The following KLF13 variants were observed in gnomAD, a reference collection of about 807,000 sequenced individuals.
KLF13 encodes the protein KLF transcription factor 13, also known as Krueppel-like factor 13.
Under a neutral mutation model 16.7 loss-of-function variants are expected in KLF13, and 8 were observed. The ratio of observed to expected loss-of-function variants is 0.48; its 90% CI spans 0.28 to 0.87. KLF13 has a LOEUF of 0.87. Ranked by LOEUF, KLF13 falls within the 40% of genes least tolerant of loss-of-function variation. The pLI is 0.10. For synonymous variants in KLF13, 245 were observed against 208.4 expected, an observed-to-expected ratio of 1.18 and a Z score of -1.51; for missense variants, 447 against 452.2, an observed-to-expected ratio of 0.99 and a Z score of 0.10.
At chr15:31,346,107 A>G (rs1311858734) in intron 1 of KLF13, among the ~76,000 whole-genome samples, 1 of 151,886 alleles carries the variant, frequency 6.6e-6, no homozygotes, top group Non-Finnish European at 1.5e-5. Context: ...ATCTCTCAGG[A>G]GCCCCCGAGA....
chr15:31,336,683 T>G (rs890749399), intron 1 of KLF13, among the ~76,000 whole-genome samples: 1 of 152,068 alleles, frequency 6.6e-6, no homozygotes, highest in African/African-American at 2.4e-5. Flanking sequence ...GAAAAGAGAT[T>G]GGAAATAGAG....
intron 1 of KLF13, among the ~76,000 whole-genome samples, chr15:31,333,078 A>G (rs1282338915): frequency 6.6e-6 from 1 of 152,158 alleles, no homozygotes; most frequent in Non-Finnish European, 1.5e-5. Context: ...AGTACACTCA[A>G]CTTTCACAAT....
At chr15:31,370,022 G>A (rs2039532360) in intron 1 of KLF13, among the ~76,000 whole-genome samples, 1 of 132,992 alleles carries the variant, frequency 7.5e-6, no homozygotes, top group South Asian at 2.6e-4. Context: ...CCTGTCTCAT[G>A]TTAGTTTCCT....
At chr15:31,427,123 C>T (rs990160398) in intron 1 of KLF13, among the ~76,000 whole-genome samples, 1 of 152,176 alleles carries the variant, frequency 6.6e-6, no homozygotes, top group Non-Finnish European at 1.5e-5. Context: ...TGCAGACAGC[C>T]TATTGTGGGA....
chr15:31,414,611 G>A (rs908725143), intron 1 of KLF13, among the ~76,000 whole-genome samples: 3 of 152,150 alleles, frequency 2.0e-5, no homozygotes, highest in African/African-American at 7.2e-5. Context: ...AACAAAATAT[G>A]TTGCTGGACA....
chr15:31,353,658 T>A (rs34901570), intron 1 of KLF13, among the ~76,000 whole-genome samples: 22,871 of 151,956 alleles, frequency 0.15, 2,132 homozygotes, highest in South Asian at 0.31. Flanking sequence ...ACTCTTATCC[T>A]CCCCCCAAAG....
intron 1 of KLF13, among the ~76,000 whole-genome samples, chr15:31,431,826 T>C (rs1054241296): frequency 6.6e-6 from 1 of 152,234 alleles, no homozygotes; most frequent in Non-Finnish European, 1.5e-5. Context: ...ATGCAAACAC[T>C]GCACGATTCA....
rs570926465 is a variant in KLF13, at chr15:31,435,111, G to A, written n.118-259G>A. On this transcript the variant is annotated intron_variant and non_coding_transcript_variant, in intron 1 of 1. Transcript: ENST00000558225. ...CGCTAAGGGACGGGGCGGGTGCAAC[G>A]TGTGTGTTTTTACTTCTTTTAAGTT... is the stretch of plus-strand genomic sequence containing the variant. Among the ~76,000 whole-genome samples the A allele has an allele frequency of 3.3e-5, 5 of 152,296 alleles. 1 individual carries two copies. The highest frequency in any genetic ancestry group is 9.6e-5 in the African/African-American group (4 of 41,558).
intron 1 of KLF13, among the ~76,000 whole-genome samples, chr15:31,384,176 T>C (rs1595488975): frequency 6.6e-6 from 1 of 152,162 alleles, no homozygotes; most frequent in African/African-American, 2.4e-5. Context: ...AGGTGGCTCA[T>C]GCCTGTAATC....
chr15:31,349,228 T>G (rs1291737584), intron 1 of KLF13, among the ~76,000 whole-genome samples: 1 of 152,192 alleles, frequency 6.6e-6, no homozygotes, highest in African/African-American at 2.4e-5. Flanking sequence ...AGCCTGTGAC[T>G]GTCATTCCAT....
chr15:31,420,555 A>T, intron 1 of KLF13: 1 of 511,848 alleles, frequency 2.0e-6, no homozygotes, highest in Non-Finnish European at 3.7e-6. Flanking sequence ...GGAGAACCCA[A>T]CATTGATAGC....
At chr15:31,347,065 C>T (rs1002805409) in intron 1 of KLF13, among the ~76,000 whole-genome samples, 3 of 152,168 alleles carry the variant, frequency 2.0e-5, no homozygotes, top group African/African-American at 4.8e-5. Flanking sequence ...GGCACGACAC[C>T]GAGCCCAGCA....
At chr15:31,367,769 C>T (rs1040019269) in intron 1 of KLF13, among the ~76,000 whole-genome samples, 7 of 152,146 alleles carry the variant, frequency 4.6e-5, no homozygotes, top group Admixed American at 6.5e-5. Context: ...ACGTGCCAGG[C>T]GCTGTGCTGA....
intron 1 of KLF13, among the ~76,000 whole-genome samples, chr15:31,370,254 C>T (rs1044540607): frequency 1.3e-5 from 2 of 151,964 alleles, no homozygotes; most frequent in Non-Finnish European, 2.9e-5. Flanking sequence ...ACACACGGCC[C>T]CTGCTTCAGC....
In KLF13 at chr15:31,371,980, G is replaced by A. The variant is rs768136949; in HGVS notation, c.578-30G>A. 4.1e-5 allele frequency: 65 copies of A among 1,569,660 alleles called. No individual in the cohort carries two copies. In the Middle Eastern group the frequency reaches 1.2e-3, roughly 28 times the overall value. ...GGGTGTGAAGGCGGGGCCAGGTGCGGATACTGATGCTCTGCCCCTGTGCCC... is the reference window on the plus strand; with the variant it reads ...GGGTGTGAAGGCGGGGCCAGGTGCGAATACTGATGCTCTGCCCCTGTGCCC... On this transcript the variant is annotated intron_variant, in intron 1 of 1. Coordinates refer to ENST00000307145, the MANE Select transcript of KLF13 (RefSeq NM_015995.4).
intron 2 of KLF13, among the ~76,000 whole-genome samples, chr15:31,400,388 C>T (rs1014221910): frequency 6.0e-5 from 9 of 150,718 alleles, no homozygotes; most frequent in Admixed American, 3.3e-4. Flanking sequence ...GAGGGGGTGG[C>T]GTGCAGTTTA....
chr15:31,365,435 A>G (rs1180354672), intron 1 of KLF13, among the ~76,000 whole-genome samples: 1 of 152,100 alleles, frequency 6.6e-6, no homozygotes, highest in Non-Finnish European at 1.5e-5. Flanking sequence ...CTTCCTAGAG[A>G]AGACCCAGCA....
Position 31,373,246 on chromosome 15 carries a change from C to T in KLF13, c.*947C>T, listed in dbSNP as rs528545532. The T allele has an allele frequency of 6.6e-6, 1 of 152,386 alleles. No homozygotes were observed. Among genetic ancestry groups the T allele is most frequent in the East Asian group, 1.9e-4 (1 of 5,186 alleles). 9.4% of individuals were successfully genotyped at this position (152,386 alleles called of 1,614,324 possible). On this transcript the variant is annotated 3_prime_UTR_variant, in exon 2 of 2. Coordinates refer to ENST00000307145, the MANE Select transcript of KLF13 (RefSeq NM_015995.4). The stretch of plus-strand genomic sequence containing the variant: ...AGTTCCGAGTTTGCCCGCACGGGCA[C>T]TTTTGTTGGAAACAGTGGGCAGGTC...
rs1405366152 is a variant in KLF13 at position 31,372,757 on chromosome 15, C to G, written c.*458C>G. 1 of 156,944 alleles carries G rather than the reference C, an allele frequency of 6.4e-6. No homozygotes were observed. Among genetic ancestry groups the G allele is most frequent in the Admixed American group, 6.4e-5 (1 of 15,518 alleles). The allele number at this position is 156,944 out of a possible 1,614,324, so 9.7% of individuals were successfully genotyped here. On this transcript the variant is annotated 3_prime_UTR_variant, in exon 2 of 2. Transcript: ENST00000307145. ...GATGTGCTCACTGACGTTTGTGCCT[C>G]CAGGGCAGATTCCTAAGCAGCTGGC... is the stretch of plus-strand genomic sequence containing the variant.
Sources: gnomAD v4.1 joint callset for allele counts (sites outside exome capture counted in the v4.1 genomes callset) on GRCh38, gnomAD v4.1.1 for gene constraint, MANE v1.5 for transcripts, NCBI Gene and HGNC (gene_info 2026-07-23, HGNC 2026-07-21) for gene names.